The following PPFIBP2 variants were observed in gnomAD, a reference collection of about 807,000 sequenced individuals.
PPFIBP2 encodes liprin-beta-2.
Under a neutral mutation model 118.3 loss-of-function variants are expected in PPFIBP2, and 118 were observed. That is an observed-to-expected ratio of 1.00 (90% confidence interval 0.86 to 1.16). PPFIBP2 has a LOEUF of 1.16. Among genes scored for constraint, PPFIBP2 ranks in the 50% most tolerant of loss-of-function variants. The probability of loss-of-function intolerance (pLI) is 0.00; values close to 1 mark genes in which losing one functional copy is unlikely to be tolerated. For synonymous variants in PPFIBP2, 414 were observed against 397.4 expected (o/e 1.04, Z -0.50); for missense variants, 1,195 against 1,073.1 (o/e 1.11, Z -1.59).
intron 1 of PPFIBP2, among the ~76,000 whole-genome samples, chr11:7,546,699 C>A (rs182153835): frequency 2.2e-4 from 33 of 152,368 alleles, no homozygotes; most frequent in Non-Finnish European, 4.3e-4. Context: ...ATCTCATCAA[C>A]CATTTTGGCC....
rs1388884230 is a variant in PPFIBP2 at position 7,641,595 on chromosome 11, A to G, written c.1492A>G (p.Lys498Glu). ...GACACCAGATGGTAAACGGAATCCC[A>G]AAGGCATTAAGAAGTTCTGGGGAAA... ...PLTPDGKRNP[K>E]GIKKFWGKIR... is the part of the protein sequence containing the mutation. The change falls in exon 16 of 24, where the codon AAA becomes GAA. Residue 498 changes from lysine to glutamate, a missense_variant. Coordinates refer to ENST00000299492, the MANE Select transcript of PPFIBP2 (RefSeq NM_003621.5). 2 of 1,614,002 alleles carry G rather than the reference A, an allele frequency of 1.2e-6. No homozygotes were observed. Among genetic ancestry groups the G allele is most frequent in the African/African-American group, 2.7e-5 (2 of 74,938 alleles).
chr11:7,666,229 C>G, the PPFIBP2 span: 1 of 593,074 alleles, frequency 1.7e-6, no homozygotes, highest in East Asian at 2.8e-5. Flanking sequence ...TGAGGTGCTG[C>G]TGATGTATTA....
intron 3 of PPFIBP2, among the ~76,000 whole-genome samples, chr11:7,576,118 C>T (rs545936333): frequency 3.3e-5 from 5 of 152,264 alleles, no homozygotes; most frequent in South Asian, 2.1e-4. Context: ...GAGGGGCATG[C>T]GGCATGAGGG....
At chr11:7,610,632 AAGGCTTT>A in intron 6 of PPFIBP2, 1 of 563,980 alleles carries the variant, frequency 1.8e-6, no homozygotes. Context: ...TTTTGGCTCT[AAGGCTTT>A]ATCTGCCCTC....
intron 3 of PPFIBP2, among the ~76,000 whole-genome samples, chr11:7,575,430 CCA>C (rs1311920352): frequency 6.6e-6 from 1 of 152,126 alleles, no homozygotes; most frequent in Non-Finnish European, 1.5e-5. Context: ...GCCACATTGG[CCA>C]CCTTTCTCTT....
At chr11:7,606,119 A>G in intron 5 of PPFIBP2, 2 of 1,316,628 alleles carry the variant, frequency 1.5e-6, no homozygotes, top group Non-Finnish European at 2.0e-6. Context: ...GTCTTAGAAT[A>G]GCAGGATAGA....
rs117474660 is a variant in PPFIBP2 at position 7,593,629 on chromosome 11, T to C, written c.372+405T>C. On this transcript the variant is annotated intron_variant, in intron 4 of 23. Transcript: ENST00000299492. The stretch of plus-strand genomic sequence containing the variant: ...GCTGTGGGTGATACAGGCCTAAGGG[T>C]GAATGCTAATGAATCAAGTCCAAAT... Among the ~76,000 whole-genome samples, 8 of 152,174 alleles carry C rather than the reference T, an allele frequency of 5.3e-5. No individual in the cohort carries two copies. In the East Asian group the frequency reaches 1.5e-3, roughly 29 times the overall value.
At chr11:7,666,490 G>T in the PPFIBP2 span, 1 of 1,613,478 alleles carries the variant, frequency 6.2e-7, no homozygotes, top group Non-Finnish European at 8.5e-7. Flanking sequence ...AGGTTGAACT[G>T]GTCTGGGTGA....
intron 1 of PPFIBP2, among the ~76,000 whole-genome samples, chr11:7,544,299 A>G (rs181287067): frequency 6.6e-6 from 1 of 152,340 alleles, no homozygotes; most frequent in Non-Finnish European, 1.5e-5. Context: ...CTTTGGTCCC[A>G]TGTAACAACT....
intron 1 of PPFIBP2, among the ~76,000 whole-genome samples, chr11:7,523,435 A>G (rs1849941274): frequency 6.6e-6 from 1 of 152,130 alleles, no homozygotes; most frequent in Non-Finnish European, 1.5e-5. Context: ...TTGAAGGAAA[A>G]CTTGTCAAAC....
chr11:7,637,467 A>G (rs1851600009), intron 14 of PPFIBP2, among the ~76,000 whole-genome samples: 1 of 152,190 alleles, frequency 6.6e-6, no homozygotes, highest in Non-Finnish European at 1.5e-5. Flanking sequence ...TCCATTTAGA[A>G]ATGACCAGAG....
the PPFIBP2 span, chr11:7,665,601 T>C: frequency 6.5e-7 from 1 of 1,528,898 alleles, no homozygotes. Flanking sequence ...GAGTTCCTGA[T>C]CCCAGGCCGC....
intron 22 of PPFIBP2, chr11:7,651,308 A>C (rs576796343): frequency 5.9e-6 from 2 of 339,460 alleles, no homozygotes; most frequent in Admixed American, 8.5e-5. Context: ...CTGCAATAGG[A>C]TCCCTATCAC....
In PPFIBP2 at chr11:7,634,513, T is replaced by C; in HGVS notation, c.1155T>C (p.Ser385=). 1.2e-6 allele frequency: 2 copies of C among 1,613,182 alleles called. No homozygotes were observed. Among genetic ancestry groups the C allele is most frequent in the Non-Finnish European group, 1.7e-6 (2 of 1,179,118 alleles). ...TTTTCAGGGCTCAGAAAAAGCTCTC[T>C]TGTAGTCTAGAAGACTTGAGAAGTG... ...SLETRAQKKL[S]CSLEDLRSES... is the part of the protein sequence containing the mutation. Residue 385 remains serine, a synonymous_variant, in exon 13 of 24, where the codon TCT becomes TCC. Transcript: ENST00000299492.
At chr11:7,538,228 CATTCTCATGTCT>C (rs1851410944) in intron 1 of PPFIBP2, 1 of 152,368 alleles carries the variant, frequency 6.6e-6, no homozygotes, top group Non-Finnish European at 1.5e-5. Flanking sequence ...CGTGGTGTCT[CATTCTCATGTCT>C]TTGGGGTGGT....
chr11:7,559,664 G>A (rs1003313019), intron 2 of PPFIBP2, among the ~76,000 whole-genome samples: 4 of 152,134 alleles, frequency 2.6e-5, no homozygotes, highest in African/African-American at 7.2e-5. Flanking sequence ...CTTCCCTGCC[G>A]TTGGGTGAAT....
In PPFIBP2 at chr11:7,610,284, C is replaced by T. The variant is rs150407159; in HGVS notation, c.487-7C>T. 1.2e-6 allele frequency: 2 copies of T among 1,613,188 alleles called. No homozygotes were observed. Among genetic ancestry groups the T allele is most frequent in the South Asian group, 1.1e-5 (1 of 91,050 alleles). The stretch of plus-strand genomic sequence containing the variant: ...TTTCTGATTTCGAGATCTGTTTTTG[C>T]TTGCAGGAGCTGCTAAGCCGCACAT... On this transcript the variant is annotated splice_polypyrimidine_tract_variant and splice_region_variant and intron_variant, in intron 5 of 23. Coordinates refer to ENST00000299492, the MANE Select transcript of PPFIBP2 (RefSeq NM_003621.5).
intron 3 of PPFIBP2, 82 bp from the exon 4 acceptor site, chr11:7,593,050 A>C: frequency 6.4e-7 from 1 of 1,555,144 alleles, no homozygotes; most frequent in Non-Finnish European, 8.7e-7. Flanking sequence ...CACAAATTAC[A>C]TGCATCCCTT....
the PPFIBP2 span, among the ~76,000 whole-genome samples, chr11:7,664,808 C>A: frequency 6.6e-6 from 1 of 150,598 alleles, no homozygotes; most frequent in Non-Finnish European, 1.5e-5. Context: ...GCTGTCCCTC[C>A]CCCCCACCCC....
Sources: gnomAD v4.1 joint callset for allele counts (sites outside exome capture counted in the v4.1 genomes callset) on GRCh38, gnomAD v4.1.1 for gene constraint, MANE v1.5 for transcripts, NCBI Gene and HGNC (gene_info 2026-07-23, HGNC 2026-07-21) for gene names.